The following CAST variants were observed in gnomAD, a reference collection of about 807,000 sequenced individuals.
CAST encodes calpastatin.
Under a neutral mutation model 119.6 loss-of-function variants are expected in CAST, and 76 were observed. That is an observed-to-expected ratio of 0.64 (90% CI 0.53 to 0.77). The LOEUF is 0.77. Among genes scored for constraint, CAST ranks in the 30% least tolerant of loss-of-function variants. The pLI, the probability that CAST is intolerant of heterozygous loss-of-function variation, is 0.00. For missense variants in CAST, 953 were observed against 946.5 expected, an observed-to-expected ratio of 1.01 and a Z score of -0.09; for synonymous variants, 319 against 331.6, an observed-to-expected ratio of 0.96 and a Z score of 0.41.
chr5:96,401,603 C>A, the CAST span, among the ~76,000 whole-genome samples: 5 of 152,276 alleles, frequency 3.3e-5, no homozygotes, highest in South Asian at 2.1e-4. Context: ...TATGATGAGG[C>A]CTTCCTTGAT....
At chr5:96,206,888 C>T in the CAST span, among the ~76,000 whole-genome samples, 1 of 152,112 alleles carries the variant, frequency 6.6e-6, no homozygotes, top group Non-Finnish European at 1.5e-5. Context: ...CTGTAAATTG[C>T]TGTGGGCAGT....
chr5:96,747,483 G>A, intron 18 of CAST, 91 bp downstream of exon 18: 1 of 852,658 alleles, frequency 1.2e-6, no homozygotes, highest in Non-Finnish European at 2.0e-6. Context: ...AATTCACTGT[G>A]CAGACTTGCA....
chr5:96,619,829 C>T (rs1388327121), intron 1 of CAST, among the ~76,000 whole-genome samples: 1 of 152,188 alleles, frequency 6.6e-6, no homozygotes, highest in Non-Finnish European at 1.5e-5. Context: ...ATTAGCATTA[C>T]AAGTCCTGCA....
rs149492041 is a variant in CAST, at chr5:96,768,790, G to A, written c.2268+791G>A. On this transcript the variant is annotated intron_variant, in intron 29 of 31. Coordinates refer to ENST00000675179, the MANE Select transcript of CAST (RefSeq NM_001750.7). ...CTTCATTCCTCAGGGCACAGCTCAA[G>A]CATCAGCTCCTTAGGGAAGACTTTC... Among the ~76,000 whole-genome samples, 21 of 152,288 alleles carry A rather than the reference G, an allele frequency of 1.4e-4. No homozygotes were observed. In the East Asian group the frequency reaches 4.1e-3, roughly 29 times the overall value.
the CAST span, among the ~76,000 whole-genome samples, chr5:96,482,727 G>T: frequency 6.6e-6 from 1 of 152,166 alleles, no homozygotes; most frequent in Non-Finnish European, 1.5e-5. Context: ...AGAGAGGAAA[G>T]TTCCTCCTTT....
intron 1 of CAST, among the ~76,000 whole-genome samples, chr5:96,635,759 G>C (rs140182155): frequency 6.6e-6 from 1 of 152,246 alleles, no homozygotes; most frequent in African/African-American, 2.4e-5. Context: ...TTGCCTTTTT[G>C]AACTATTAAA....
chr5:96,715,542 A>G (rs1369436310), intron 3 of CAST, among the ~76,000 whole-genome samples: 2 of 152,172 alleles, frequency 1.3e-5, no homozygotes, highest in African/African-American at 4.8e-5. Flanking sequence ...CACTTTTCTC[A>G]TTGATAAAAT....
the CAST span, among the ~76,000 whole-genome samples, chr5:96,376,598 G>A: frequency 6.6e-6 from 1 of 152,046 alleles, no homozygotes; most frequent in African/African-American, 2.4e-5. Context: ...GCACCACTAT[G>A]CCTGGTTAAT....
the CAST span, among the ~76,000 whole-genome samples, chr5:96,048,560 G>T: frequency 2.0e-5 from 3 of 152,142 alleles, no homozygotes; most frequent in Non-Finnish European, 4.4e-5. Flanking sequence ...TAATTTTGGG[G>T]TGGTGAGGGG....
the CAST span, among the ~76,000 whole-genome samples, chr5:96,461,436 CTG>C: frequency 1.3e-5 from 2 of 152,100 alleles, no homozygotes; most frequent in Non-Finnish European, 2.9e-5. Flanking sequence ...TTTTCTAGAA[CTG>C]TTTCCACAGC....
chr5:96,029,206 A>G, the CAST span, among the ~76,000 whole-genome samples: 3 of 152,194 alleles, frequency 2.0e-5, no homozygotes, highest in Admixed American at 6.5e-5. Context: ...AAAACGTACA[A>G]TAGCAGTTAG....
At chr5:96,400,212 C>G in the CAST span, 1 of 1,531,484 alleles carries the variant, frequency 6.5e-7, no homozygotes, top group Non-Finnish European at 9.1e-7. Context: ...CCCAAAGTGT[C>G]TTTCAGAGAA....
chr5:96,498,167 G>A, the CAST span, among the ~76,000 whole-genome samples: 3 of 152,164 alleles, frequency 2.0e-5, no homozygotes, highest in Non-Finnish European at 2.9e-5. Flanking sequence ...AGATCAGATG[G>A]TTGTAGATAT....
the CAST span, among the ~76,000 whole-genome samples, chr5:95,989,773 G>A: frequency 6.6e-6 from 1 of 152,032 alleles, no homozygotes; most frequent in African/African-American, 2.4e-5. Flanking sequence ...GTATGATTTA[G>A]TAGATAATTA....
At chr5:96,768,095 C>A in intron 29 of CAST, 96 bp downstream of exon 29, 3 of 844,668 alleles carry the variant, frequency 3.6e-6, no homozygotes, top group South Asian at 1.4e-5. Context: ...ATCTATCGGT[C>A]TGTCTTGTAA....
At chr5:96,636,237 T>G (rs1168035528) in intron 1 of CAST, among the ~76,000 whole-genome samples, 3 of 152,226 alleles carry the variant, frequency 2.0e-5, no homozygotes, top group African/African-American at 7.2e-5. Flanking sequence ...TTTAGCCTGT[T>G]TCCTCATCTG....
At chr5:96,226,247 C>A in the CAST span, among the ~76,000 whole-genome samples, 1 of 152,130 alleles carries the variant, frequency 6.6e-6, no homozygotes, top group Non-Finnish European at 1.5e-5. Flanking sequence ...GTCCACCTGG[C>A]AATTGGTCCA....
chr5:96,073,483 G>A, the CAST span, among the ~76,000 whole-genome samples: 1 of 152,182 alleles, frequency 6.6e-6, no homozygotes, highest in Non-Finnish European at 1.5e-5. Flanking sequence ...TGAAACCCAG[G>A]TAGATCTGTC....
At chr5:96,369,883 TAAC>T in the CAST span, among the ~76,000 whole-genome samples, 2 of 152,152 alleles carry the variant, frequency 1.3e-5, no homozygotes, top group Admixed American at 6.5e-5. Context: ...AAGTCAATAA[TAAC>T]AAGTTTTATT....
Sources: allele counts gnomAD v4.1 joint callset (sites outside exome capture counted in the v4.1 genomes callset), GRCh38; gene constraint gnomAD v4.1.1; transcripts MANE v1.5; gene names NCBI Gene and HGNC (gene_info 2026-07-23, HGNC 2026-07-21).